The following NEK10 variants were observed in gnomAD, a reference collection of about 807,000 sequenced individuals.
NEK10 encodes the protein NIMA related kinase 10.
Under a neutral mutation model 159.8 loss-of-function variants are expected in NEK10, and 122 were observed. The ratio of observed to expected loss-of-function variants is 0.76; its 90% confidence interval spans 0.66 to 0.89. The LOEUF is 0.89. NEK10 is among the 40% of genes least tolerant of loss of function. NEK10 has a pLI of 0.00. For missense variants in NEK10, 1,342 were observed against 1,323.1 expected (o/e 1.01, Z -0.22); for synonymous variants, 466 against 457.1 (o/e 1.02, Z -0.25).
intron 26 of NEK10, among the ~76,000 whole-genome samples, chr3:27,178,163 C>T (rs540284012): frequency 7.2e-5 from 11 of 152,136 alleles, no homozygotes; most frequent in South Asian, 6.2e-4. Context: ...ATGTTTAGCT[C>T]GGTTTTGCGC....
intron 5 of NEK10, among the ~76,000 whole-genome samples, chr3:27,325,772 C>G (rs1284876784): frequency 6.6e-6 from 1 of 152,224 alleles, no homozygotes; most frequent in Non-Finnish European, 1.5e-5. Flanking sequence ...AGTCCCCCAA[C>G]AAGGCCTGGC....
chr3:27,245,260 T>G (rs1407436101), intron 23 of NEK10, among the ~76,000 whole-genome samples: 2 of 152,176 alleles, frequency 1.3e-5, no homozygotes, highest in African/African-American at 2.4e-5. Context: ...TCTTCTTTTT[T>G]AAAGAAATAC....
chr3:27,305,894 T>C (rs998426041), intron 11 of NEK10, among the ~76,000 whole-genome samples: 18 of 152,154 alleles, frequency 1.2e-4, no homozygotes, highest in African/African-American at 4.3e-4. Flanking sequence ...CCCTCCTGGA[T>C]GGTGTCATCC....
chr3:27,282,557 T>TAC (rs1198452656), intron 22 of NEK10, among the ~76,000 whole-genome samples: 8 of 138,132 alleles, frequency 5.8e-5, no homozygotes, highest in African/African-American at 2.2e-4. Flanking sequence ...TATATATATA[T>TAC]ATACATAACT....
At chr3:27,342,310 A>G (rs1227518073) in intron 5 of NEK10, among the ~76,000 whole-genome samples, 2 of 152,170 alleles carry the variant, frequency 1.3e-5, no homozygotes, top group South Asian at 2.1e-4. Flanking sequence ...CTAAAGTTAG[A>G]AGGGAAGAAA....
chr3:27,217,174 G>C (rs1462679636), intron 23 of NEK10, among the ~76,000 whole-genome samples: 2 of 152,090 alleles, frequency 1.3e-5, no homozygotes, highest in Admixed American at 6.6e-5. Context: ...GGCCTCAGAT[G>C]GGTTTTATTT....
chr3:27,322,034 G>A, intron 6 of NEK10, 143 bp downstream of exon 6: 1 of 556,838 alleles, frequency 1.8e-6, no homozygotes, highest in South Asian at 2.9e-5. Flanking sequence ...AATAGTAGAT[G>A]AGACATTCCC....
intron 23 of NEK10, chr3:27,252,787 C>T: frequency 2.3e-6 from 1 of 434,202 alleles, no homozygotes; most frequent in Non-Finnish European, 4.6e-6. Flanking sequence ...TCAGAGGGAG[C>T]CCAGATGAAA....
chr3:27,262,286 C>T (rs867448184), intron 22 of NEK10, among the ~76,000 whole-genome samples: 33 of 152,214 alleles, frequency 2.2e-4, no homozygotes, highest in Middle Eastern at 3.4e-3. Flanking sequence ...ATTTCAACTT[C>T]GGTGAATCTG....
At chr3:27,311,338 G>A (rs890147982) in intron 8 of NEK10, 1 of 183,900 alleles carries the variant, frequency 5.4e-6, no homozygotes, top group African/African-American at 2.4e-5. Context: ...GATCCTCTCT[G>A]TGAAGATTTC....
chr3:27,164,287 A>G (rs1291855288), intron 29 of NEK10, among the ~76,000 whole-genome samples: 1 of 152,204 alleles, frequency 6.6e-6, no homozygotes, highest in Non-Finnish European at 1.5e-5. Flanking sequence ...TGAGCTGAGG[A>G]GCAGAGCATC....
chr3:27,197,559 G>A (rs577502765), intron 25 of NEK10, among the ~76,000 whole-genome samples: 2 of 152,260 alleles, frequency 1.3e-5, no homozygotes, highest in African/African-American at 2.4e-5. Flanking sequence ...CCTTAAGACT[G>A]TAGATTTCGG....
chr3:27,343,319 G>A lies in NEK10; in HGVS notation c.362+953C>T, dbSNP rs193178141. 2.2e-3 allele frequency among the ~76,000 whole-genome samples: 332 copies of A among 152,280 alleles called. 3 individuals are homozygous for A. The highest frequency in any genetic ancestry group is 7.6e-3 in the African/African-American group (317 of 41,552). On this transcript the variant is annotated intron_variant, in intron 5 of 35. Coordinates refer to ENST00000691995, the MANE Select transcript of NEK10 (RefSeq NM_001394966.1). Reference sequence around the variant, plus strand: ...CTCGTCATGGAGGACCTGTCAGAATGCTGTTCTACTTAAAATCAGCTATTG... The same window carrying A: ...CTCGTCATGGAGGACCTGTCAGAATACTGTTCTACTTAAAATCAGCTATTG...
chr3:27,364,739 C>A (rs2048938396), intron 1 of NEK10, among the ~76,000 whole-genome samples: 1 of 152,168 alleles, frequency 6.6e-6, no homozygotes. Context: ...AGTATTATAT[C>A]TCCAACTTAC....
chr3:27,323,330 T>A (rs1012831716), intron 5 of NEK10, among the ~76,000 whole-genome samples: 1 of 152,188 alleles, frequency 6.6e-6, no homozygotes, highest in Non-Finnish European at 1.5e-5. Flanking sequence ...GAGGGACTGA[T>A]GGAGCATTCC....
chr3:27,279,803 T>C (rs889311190), intron 22 of NEK10, among the ~76,000 whole-genome samples: 4 of 152,154 alleles, frequency 2.6e-5, no homozygotes, highest in Admixed American at 6.5e-5. Context: ...CTCACCAGTA[T>C]GCCACCAACC....
chr3:27,236,138 T>TG (rs1953890207), intron 23 of NEK10, among the ~76,000 whole-genome samples: 1 of 151,952 alleles, frequency 6.6e-6, no homozygotes, highest in Non-Finnish European at 1.5e-5. Context: ...CAAGGCACAC[T>TG]GGGGTCTACT....
intron 32 of NEK10, among the ~76,000 whole-genome samples, chr3:27,122,134 C>A (rs1156739617): frequency 6.6e-6 from 1 of 152,030 alleles, no homozygotes; most frequent in African/African-American, 2.4e-5. Context: ...GTAATTGGAT[C>A]ATGGGGGTGG....
At chr3:27,292,576 G>A (rs937646228) in intron 16 of NEK10, among the ~76,000 whole-genome samples, 3 of 152,134 alleles carry the variant, frequency 2.0e-5, no homozygotes, top group South Asian at 2.1e-4. Context: ...GCTCACGCCT[G>A]TAATCCCAAC....
Sources: allele counts gnomAD v4.1 joint callset (sites outside exome capture counted in the v4.1 genomes callset), GRCh38; gene constraint gnomAD v4.1.1; transcripts MANE v1.5; gene names NCBI Gene and HGNC (gene_info 2026-07-23, HGNC 2026-07-21).